CHN2: variants seen among roughly 807,000 people sequenced by gnomAD.
CHN2 encodes chimerin 2.
A neutral mutation model predicts 56.3 loss-of-function variants in CHN2; 35 were observed. The ratio of observed to expected loss-of-function variants is 0.62; its 90% CI spans 0.47 to 0.82. The LOEUF (loss-of-function observed/expected upper bound fraction) is 0.82, where lower values mean the gene tolerates loss of function less well. CHN2 is among the 40% of genes least tolerant of loss of function. The pLI is 0.00. For missense variants in CHN2, 491 were observed against 580.5 expected (o/e 0.85, Z 1.58); for synonymous variants, 210 against 212.8 (o/e 0.99, Z 0.12).
At chr7:29,219,557 A>G (rs1278979101) in intron 1 of CHN2, among the ~76,000 whole-genome samples, 2 of 152,180 alleles carry the variant, frequency 1.3e-5, no homozygotes, top group East Asian at 3.8e-4. Flanking sequence ...CAGACTGGAT[A>G]CAGATAACCA....
intron 1 of CHN2, among the ~76,000 whole-genome samples, chr7:29,347,016 A>G (rs193222759): frequency 4.5e-4 from 69 of 152,256 alleles, no homozygotes; most frequent in Non-Finnish European, 9.1e-4. Context: ...ATGTTTCCAC[A>G]GGTTCACTTC....
intron 1 of CHN2, among the ~76,000 whole-genome samples, chr7:29,232,337 C>T (rs1786780886): frequency 6.6e-6 from 1 of 152,174 alleles, no homozygotes; most frequent in African/African-American, 2.4e-5. Flanking sequence ...ACTTTCCTAA[C>T]CTTTTCTCTA....
intron 1 of CHN2, among the ~76,000 whole-genome samples, chr7:29,240,331 T>C (rs1787554034): frequency 6.6e-6 from 1 of 152,192 alleles, no homozygotes; most frequent in Non-Finnish European, 1.5e-5. Context: ...CAGTGTTGTA[T>C]CTCACTTCAA....
intron 6 of CHN2, among the ~76,000 whole-genome samples, chr7:29,460,816 G>A (rs561939128): frequency 2.0e-4 from 31 of 152,332 alleles, no homozygotes; most frequent in Admixed American, 1.4e-3. Flanking sequence ...AGCGGATCGG[G>A]CTTCTGGAAG....
intron 2 of CHN2, chr7:29,147,182 T>C: frequency 1.7e-6 from 1 of 601,802 alleles, no homozygotes; most frequent in Non-Finnish European, 2.8e-6. Flanking sequence ...AGCCAGACAG[T>C]ACGGGAGCAA....
At chr7:29,297,254 C>T (rs1011635591) in intron 1 of CHN2, among the ~76,000 whole-genome samples, 1 of 152,198 alleles carries the variant, frequency 6.6e-6, no homozygotes, top group Non-Finnish European at 1.5e-5. Context: ...GCAAAGGGCA[C>T]TAAATTCTGT....
chr7:29,490,916 C>T (rs946336733), intron 7 of CHN2, among the ~76,000 whole-genome samples: 3 of 152,072 alleles, frequency 2.0e-5, no homozygotes, highest in African/African-American at 7.2e-5. Flanking sequence ...GATATGAGAT[C>T]CCTTTCGTAT....
intron 1 of CHN2, among the ~76,000 whole-genome samples, chr7:29,305,559 T>C (rs1585015669): frequency 6.6e-6 from 1 of 152,140 alleles, no homozygotes; most frequent in Non-Finnish European, 1.5e-5. Context: ...AAATGGAAAG[T>C]TGGGTCAATA....
chr7:29,403,849 A>T (rs1344222375), intron 6 of CHN2, among the ~76,000 whole-genome samples: 2 of 152,228 alleles, frequency 1.3e-5, no homozygotes, highest in African/African-American at 4.8e-5. Context: ...TATTCCATAG[A>T]TGGATTATCT....
intron 1 of CHN2, among the ~76,000 whole-genome samples, chr7:29,310,684 G>C (rs1367150008): frequency 6.6e-6 from 1 of 152,178 alleles, no homozygotes; most frequent in African/African-American, 2.4e-5. Flanking sequence ...TACAGGTTTG[G>C]TGTCTGGTGA....
intron 12 of CHN2, among the ~76,000 whole-genome samples, chr7:29,509,854 A>AAG (rs1212356110): frequency 6.6e-6 from 1 of 151,808 alleles, no homozygotes; most frequent in Non-Finnish European, 1.5e-5. Context: ...CAAAAAAAAA[A>AAG]AAAAAAGAAA....
chr7:29,169,224 A>G (rs962976972), intron 2 of CHN2, among the ~76,000 whole-genome samples: 13 of 152,198 alleles, frequency 8.5e-5, no homozygotes, highest in African/African-American at 3.1e-4. Context: ...ACATGGTTGT[A>G]CTACGAATAA....
intron 6 of CHN2, among the ~76,000 whole-genome samples, chr7:29,417,316 A>ATT: frequency 6.8e-6 from 1 of 147,600 alleles, no homozygotes; most frequent in South Asian, 2.1e-4. Context: ...TCTTTGTGAC[A>ATT]TTTTTTTACT....
chr7:29,193,431 C>T (rs553849207), upstream of CHN2: 11 of 152,226 alleles, frequency 7.2e-5, no homozygotes, highest in African/African-American at 2.6e-4. Flanking sequence ...TTCTTTTAAC[C>T]ATGTTTTAAA....
intron 1 of CHN2, among the ~76,000 whole-genome samples, chr7:29,222,691 A>G (rs973229653): frequency 6.6e-6 from 1 of 152,226 alleles, no homozygotes; most frequent in Non-Finnish European, 1.5e-5. Context: ...TTTGATTAAT[A>G]GATTCAATGC....
At chr7:29,375,632 C>T (rs979219875) in intron 3 of CHN2, among the ~76,000 whole-genome samples, 2 of 152,188 alleles carry the variant, frequency 1.3e-5, no homozygotes, top group Non-Finnish European at 2.9e-5. Flanking sequence ...GTTCTGCCAT[C>T]CTCCTCTAGC....
intron 2 of CHN2, among the ~76,000 whole-genome samples, chr7:29,186,930 T>C (rs886349319): frequency 2.0e-5 from 3 of 152,162 alleles, no homozygotes; most frequent in Non-Finnish European, 2.9e-5. Flanking sequence ...TTGTTGAGCA[T>C]TTTAATTAAG....
At chr7:29,150,105 G>A (rs1211835585) in intron 2 of CHN2, among the ~76,000 whole-genome samples, 2 of 152,146 alleles carry the variant, frequency 1.3e-5, no homozygotes, top group South Asian at 2.1e-4. Flanking sequence ...CTGTCAGGTC[G>A]ATCACAAGCC....
intron 1 of CHN2, among the ~76,000 whole-genome samples, chr7:29,288,616 A>G (rs1792341742): frequency 6.6e-6 from 1 of 152,210 alleles, no homozygotes; most frequent in African/African-American, 2.4e-5. Context: ...TCAGCTGAGA[A>G]TAGCAGCAGT....
Sources: allele counts gnomAD v4.1 joint callset (sites outside exome capture counted in the v4.1 genomes callset), GRCh38; gene constraint gnomAD v4.1.1; transcripts MANE v1.5; gene names NCBI Gene and HGNC (gene_info 2026-07-23, HGNC 2026-07-21).